The following TEAD2 variants were observed in gnomAD, a reference collection of about 807,000 sequenced individuals.
TEAD2 encodes the protein TEA domain transcription factor 2, also known as transcriptional enhancer factor TEF-4.
A neutral mutation model predicts 61.4 loss-of-function variants in TEAD2; 51 were observed. The observed-to-expected ratio is 0.83, with a 90% CI of 0.66 to 1.05. TEAD2 has a LOEUF of 1.05. Among genes scored for constraint, TEAD2 ranks in the 50% least tolerant of loss-of-function variants. The pLI is 0.00. For missense variants in TEAD2, 509 were observed against 600.0 expected (o/e 0.85, Z 1.58); for synonymous variants, 244 against 243.2 (o/e 1.00, Z -0.03).
chr19:49,351,708 T>C (rs896596228), intron 7 of TEAD2, among the ~76,000 whole-genome samples: 1 of 151,886 alleles, frequency 6.6e-6, no homozygotes, highest in Non-Finnish European at 1.5e-5. Flanking sequence ...GAAACCAGCC[T>C]GGCGTGGTGG....
rs772816083 is a variant in TEAD2 at position 49,351,280 on chromosome 19, G to A, written c.604+21C>T. 16 of 1,607,616 alleles carry A rather than the reference G, an allele frequency of 1.0e-5. No individual in the cohort carries two copies. The East Asian group carries it at 3.6e-4, about 36-fold the overall frequency. ...GAAGAGAGAGAGGGGAGACAAGGGA[G>A]GGTGGAGCGCAGGCTCTTACCTGGG... On this transcript the variant is annotated intron_variant, in intron 8 of 12. Coordinates refer to ENST00000593945, the MANE Select transcript of TEAD2 (RefSeq NM_001256660.2).
chr19:49,355,558 G>A (rs1972333754), intron 5 of TEAD2, 139 bp from the exon 6 acceptor site: 1 of 709,430 alleles, frequency 1.4e-6, no homozygotes, highest in Admixed American at 2.4e-5. Flanking sequence ...CGGGCATGGT[G>A]GCTCACGCCT....
At chr19:49,360,237 C>T (rs1277965117) in intron 1 of TEAD2, 156 bp from the exon 2 acceptor site, 3 of 637,326 alleles carry the variant, frequency 4.7e-6, no homozygotes, top group Admixed American at 5.9e-5. Flanking sequence ...GGGGGTATTC[C>T]TGGGTCTGAG....
chr19:49,352,112 C>T (rs1360728411), intron 7 of TEAD2, among the ~76,000 whole-genome samples: 2 of 151,978 alleles, frequency 1.3e-5, no homozygotes, highest in African/African-American at 2.4e-5. Flanking sequence ...AAATGACCAA[C>T]ACTCAGGAGA....
chr19:49,361,338 A>T (rs1488188705), intron 1 of TEAD2: 1 of 152,726 alleles, frequency 6.5e-6, no homozygotes, highest in Non-Finnish European at 1.5e-5. Context: ...ACTCAGAGAG[A>T]GGGGGACAGA....
intron 1 of TEAD2, among the ~76,000 whole-genome samples, chr19:49,360,672 G>A (rs1032385114): frequency 6.6e-6 from 1 of 150,984 alleles, no homozygotes; most frequent in Non-Finnish European, 1.5e-5. Context: ...GGTAAGATGT[G>A]AGCAGCAGCT....
intron 11 of TEAD2, among the ~76,000 whole-genome samples, 191 bp downstream of exon 11, chr19:49,343,040 T>A (rs1971401568): frequency 6.6e-6 from 1 of 152,174 alleles, no homozygotes; most frequent in Non-Finnish European, 1.5e-5. Flanking sequence ...ACACATTACC[T>A]GTCAGCCCGC....
intron 9 of TEAD2, 178 bp from the exon 10 acceptor site, chr19:49,347,541 T>G: frequency 1.5e-6 from 1 of 659,320 alleles, no homozygotes; most frequent in African/African-American, 1.8e-5. Context: ...CTGCACCCAG[T>G]CCCCTGCAGC....
intron 1 of TEAD2, chr19:49,360,480 G>A (rs1367672821): frequency 4.4e-6 from 1 of 224,730 alleles, no homozygotes; most frequent in Non-Finnish European, 8.7e-6. Context: ...AGTGTTCTCA[G>A]AGTTTCCAGA....
intron 10 of TEAD2, among the ~76,000 whole-genome samples, chr19:49,346,147 A>G (rs1184662451): frequency 1.3e-5 from 2 of 148,848 alleles, no homozygotes; most frequent in African/African-American, 5.0e-5. Flanking sequence ...CCTGGGCAAC[A>G]AGAGCAAAAT....
At chr19:49,357,391 G>C in intron 3 of TEAD2, 77 bp from the exon 4 acceptor site, 1 of 1,429,182 alleles carries the variant, frequency 7.0e-7, no homozygotes, top group Non-Finnish European at 9.8e-7. Context: ...CTCCCTCCAG[G>C]TGCCTCACTG....
chr19:49,358,480 T>G (rs1972552732), intron 3 of TEAD2, among the ~76,000 whole-genome samples: 1 of 152,162 alleles, frequency 6.6e-6, no homozygotes, highest in African/African-American at 2.4e-5. Flanking sequence ...TTTCTTCTGT[T>G]GCTCCCACTT....
At chr19:49,349,444 C>T (rs1971865611) in intron 8 of TEAD2, among the ~76,000 whole-genome samples, 1 of 147,118 alleles carries the variant, frequency 6.8e-6, no homozygotes, top group Non-Finnish European at 1.5e-5. Flanking sequence ...GACTGGGGGA[C>T]AGAGCGAGAC....
rs774470561 is a variant in TEAD2, at chr19:49,341,581, G to A, written c.1243-144C>T. ...GCCGCCACCATATCATGTTCCCCAG[G>A]AGAAAGGGATGCCCAAAAGTCAGTT... On this transcript the variant is annotated intron_variant, in intron 12 of 12. Transcript: ENST00000593945. This position sits in a 1 kb window ranked among gnomAD's most constrained non-coding sequence, Gnocchi z 4.2. The A allele has an allele frequency of 1.5e-6, 1 of 684,192 alleles. No individual in the cohort carries two copies. The highest frequency in any genetic ancestry group is 2.7e-5 in the East Asian group (1 of 36,398). 42.4% of individuals were successfully genotyped at this position (684,192 alleles called of 1,614,324 possible). A position where few individuals can be genotyped will look rare whatever the true frequency, so the allele number is the denominator to read the frequency against.
At chr19:49,348,443 C>G (rs551976746) in intron 9 of TEAD2, among the ~76,000 whole-genome samples, 1 of 151,950 alleles carries the variant, frequency 6.6e-6, no homozygotes, top group East Asian at 1.9e-4. Context: ...ACCCTATGAC[C>G]TTCCAGTTCC....
intron 7 of TEAD2, among the ~76,000 whole-genome samples, chr19:49,353,428 C>A (rs917948011): frequency 2.0e-5 from 3 of 152,026 alleles, no homozygotes; most frequent in African/African-American, 7.2e-5. Flanking sequence ...CTGGCTAAGT[C>A]CTACCCGGCC....
chr19:49,341,400 C>T lies in TEAD2; in HGVS notation c.1280G>A (p.Cys427Tyr). 1 of 1,614,002 alleles carries T rather than the reference C, an allele frequency of 6.2e-7. No individual in the cohort carries two copies. Among genetic ancestry groups the T allele is most frequent in the Non-Finnish European group, 8.5e-7 (1 of 1,179,936 alleles). Residue 427 changes from cysteine (C) to tyrosine (Y), a missense_variant, in exon 13 of 13, where the codon TGC becomes TAC. By Grantham distance (194) the Cys-to-Tyr change is radical. Coordinates refer to ENST00000593945, the MANE Select transcript of TEAD2 (RefSeq NM_001256660.2). This position sits in a 1 kb window ranked among gnomAD's most constrained non-coding sequence, Gnocchi z 4.2. ...GGAGACCTCGAAGACATAGGCGGTG[C>T]AGAGCAGCAGTTCCTGGGTGTCTCT... ...TNRDTQELLL[C>Y]TAYVFEVSTS...
intron 9 of TEAD2, among the ~76,000 whole-genome samples, chr19:49,347,590 C>T (rs1358547715): frequency 6.6e-6 from 1 of 152,116 alleles, no homozygotes; most frequent in East Asian, 1.9e-4. Context: ...GCCACAACTC[C>T]CCCAACTCCA....
chr19:49,345,743 C>G (rs1971586573), intron 10 of TEAD2, among the ~76,000 whole-genome samples: 2 of 152,088 alleles, frequency 1.3e-5, no homozygotes, highest in African/African-American at 4.8e-5. Flanking sequence ...ATTTATTGAG[C>G]CCAGGCCAGG....
Sources: allele counts gnomAD v4.1 joint callset (sites outside exome capture counted in the v4.1 genomes callset), GRCh38; gene constraint gnomAD v4.1.1; non-coding constraint Gnocchi (gnomAD v3.1); transcripts MANE v1.5; gene names NCBI Gene and HGNC (gene_info 2026-07-23, HGNC 2026-07-21).